DGKG: variants seen among roughly 807,000 people sequenced by gnomAD.
The protein encoded by DGKG is diacylglycerol kinase gamma.
In DGKG, 78 loss-of-function variants were observed where a neutral mutation model predicts 105.3. That is an observed-to-expected ratio of 0.74 (90% CI 0.62 to 0.89). DGKG has a LOEUF of 0.89. Among genes scored for constraint, DGKG ranks in the 40% least tolerant of loss-of-function variants. DGKG has a pLI of 0.00. For missense variants in DGKG, 958 were observed against 1,020.1 expected, an observed-to-expected ratio of 0.94 and a Z score of 0.83; for synonymous variants, 346 against 367.1, an observed-to-expected ratio of 0.94 and a Z score of 0.66.
chr3:186,297,064 T>TCACACACACACACACACA (rs1177958964), intron 5 of DGKG, among the ~76,000 whole-genome samples: 15 of 78,556 alleles, frequency 1.9e-4, no homozygotes, highest in African/African-American at 7.2e-4. Flanking sequence ...TCTGTCTGTC[T>TCACACACACACACACACA]CTCTCACACA....
intron 3 of DGKG, among the ~76,000 whole-genome samples, chr3:186,299,841 T>TTTCTTTCTCTC (rs1446531456): frequency 6.4e-4 from 48 of 74,652 alleles, no homozygotes; most frequent in African/African-American, 2.8e-3. Context: ...TTCTTTCTTT[T>TTTCTTTCTCTC]TTTTTTTTTT....
At chr3:186,261,672 T>A in intron 15 of DGKG, 27 bp downstream of exon 15, 3 of 1,542,912 alleles carry the variant, frequency 1.9e-6, no homozygotes, top group Non-Finnish European at 2.7e-6. Flanking sequence ...CCCTAGTTGC[T>A]CCACTTTGAA....
rs762381201 is a variant in DGKG at position 186,251,756 on chromosome 3, C to A, written c.1761+3G>T. 6.2e-7 allele frequency: 1 copy of A among 1,614,144 alleles called. No homozygotes were observed. The highest frequency in any genetic ancestry group is 8.5e-7 in the Non-Finnish European group (1 of 1,179,996). Reference sequence around the variant, plus strand: ...ACAGAAAGGTGATCTTTGACCAACTCACCACACCAATGGAGAAATAGTTGT... The same window carrying A: ...ACAGAAAGGTGATCTTTGACCAACTAACCACACCAATGGAGAAATAGTTGT... On this transcript the variant is annotated splice_donor_region_variant and intron_variant, in intron 19 of 24. Transcript: ENST00000265022.
At chr3:186,173,747 G>C (rs1387304754) in intron 22 of DGKG, among the ~76,000 whole-genome samples, 1 of 152,236 alleles carries the variant, frequency 6.6e-6, no homozygotes, top group Non-Finnish European at 1.5e-5. Context: ...CCTGAAAAAA[G>C]CCTAGGGGTG....
At chr3:186,238,775 G>A (rs552249013) in intron 20 of DGKG, among the ~76,000 whole-genome samples, 5 of 152,142 alleles carry the variant, frequency 3.3e-5, no homozygotes, top group East Asian at 3.9e-4. Flanking sequence ...CTGCCTCCTC[G>A]GTTCTGGTTC....
At chr3:186,298,746 T>C (rs766244606) in intron 3 of DGKG, among the ~76,000 whole-genome samples, 2 of 152,200 alleles carry the variant, frequency 1.3e-5, no homozygotes, top group Non-Finnish European at 2.9e-5. Context: ...CCATGACGGA[T>C]GTGATGCCTG....
chr3:186,320,606 C>T lies in DGKG; in HGVS notation c.-147G>A, dbSNP rs1725032274. On this transcript the variant is annotated 5_prime_UTR_variant, in exon 2 of 25. Transcript: ENST00000265022. Reference sequence around the variant, plus strand: ...TCTGGGAGCACTCAAGTGTATACAGCAGCAGCAGGCACCTCTCAGAAGATG... The same window carrying T: ...TCTGGGAGCACTCAAGTGTATACAGTAGCAGCAGGCACCTCTCAGAAGATG... 2.3e-6 allele frequency: 3 copies of T among 1,319,352 alleles called. No individual in the cohort carries two copies. The East Asian group carries it at 7.6e-5, about 33-fold the overall frequency. 81.7% of individuals were successfully genotyped at this position (1,319,352 alleles called of 1,614,324 possible).
Position 186,307,661 on chromosome 3 carries a change from C to T in DGKG, c.68-684G>A, listed in dbSNP as rs535996625. ...TGTTAACTGGCTGGTGAGTCTTTGT[C>T]TATCATACTAAGGTCTGACGTGTAA... On this transcript the variant is annotated intron_variant, in intron 2 of 24. Coordinates refer to ENST00000265022, the MANE Select transcript of DGKG (RefSeq NM_001346.3). 2.3e-3 allele frequency among the ~76,000 whole-genome samples: 351 copies of T among 152,338 alleles called. 1 individual carries two copies. Among genetic ancestry groups the T allele is most frequent in the Non-Finnish European group, 4.1e-3 (276 of 68,028 alleles).
Position 186,318,270 on chromosome 3 carries a change from C to T in DGKG, c.67+2123G>A, listed in dbSNP as rs115693741. Among the ~76,000 whole-genome samples, 1,406 of 152,256 alleles carry T rather than the reference C, an allele frequency of 9.2e-3. 29 individuals carry two copies. Among genetic ancestry groups the T allele is most frequent in the African/African-American group, 0.033 (1,356 of 41,532 alleles). ...GTCCTCCTCATTTTCTGTGCCTTCT[C>T]ACCATCCAGCCCAGAAGCTCTCCTT... On this transcript the variant is annotated intron_variant, in intron 2 of 24. Coordinates refer to ENST00000265022, the MANE Select transcript of DGKG (RefSeq NM_001346.3).
intron 20 of DGKG, among the ~76,000 whole-genome samples, chr3:186,227,854 A>G (rs1719928968): frequency 6.6e-6 from 1 of 152,240 alleles, no homozygotes; most frequent in Non-Finnish European, 1.5e-5. Flanking sequence ...ATCAGCCGTA[A>G]ATACAGATAC....
At chr3:186,150,372 G>T (rs982080724) in intron 24 of DGKG, among the ~76,000 whole-genome samples, 184 bp from the exon 25 acceptor site, 106 of 152,156 alleles carry the variant, frequency 7.0e-4, no homozygotes, top group Admixed American at 2.2e-3. Context: ...GTTTGGCACG[G>T]CTGGAAGTGA....
At chr3:186,342,857 A>G (rs1245820582) in intron 1 of DGKG, among the ~76,000 whole-genome samples, 1 of 152,188 alleles carries the variant, frequency 6.6e-6, no homozygotes. Flanking sequence ...CATTCCAATA[A>G]AAAGGGAAAA....
chr3:186,251,643 G>T, intron 19 of DGKG, 116 bp downstream of exon 19: 2 of 1,221,792 alleles, frequency 1.6e-6, no homozygotes, highest in Non-Finnish European at 2.3e-6. Flanking sequence ...CCAACTCAGG[G>T]CTGGGGGGGC....
intron 2 of DGKG, among the ~76,000 whole-genome samples, chr3:186,308,985 G>T (rs1020634570): frequency 1.2e-4 from 18 of 152,188 alleles, no homozygotes; most frequent in African/African-American, 4.3e-4. Flanking sequence ...AAGAGCCAGG[G>T]TTGTAACTCA....
At chr3:186,294,578 G>T (rs868213192) in intron 5 of DGKG, among the ~76,000 whole-genome samples, 4 of 151,872 alleles carry the variant, frequency 2.6e-5, no homozygotes, top group Non-Finnish European at 5.9e-5. Flanking sequence ...AATAATTTGG[G>T]GCAGGATGCT....
At chr3:186,229,887 T>C (rs1272394537) in intron 20 of DGKG, among the ~76,000 whole-genome samples, 2 of 152,168 alleles carry the variant, frequency 1.3e-5, no homozygotes, top group Admixed American at 6.5e-5. Context: ...GTTGGAGACA[T>C]AACAGTAGTT....
At chr3:186,182,131 A>G (rs982355657) in intron 22 of DGKG, among the ~76,000 whole-genome samples, 19 of 152,170 alleles carry the variant, frequency 1.2e-4, no homozygotes, top group African/African-American at 3.4e-4. Flanking sequence ...CTCAGGTGGA[A>G]CTCCACATGG....
intron 3 of DGKG, among the ~76,000 whole-genome samples, chr3:186,299,784 T>TCTTC (rs1723792159): frequency 1.4e-5 from 1 of 69,140 alleles, no homozygotes; most frequent in African/African-American, 6.1e-5. Flanking sequence ...TTTCTTTCTT[T>TCTTC]CTTTCTTTCT....
chr3:186,214,485 G>A (rs991207826), intron 20 of DGKG, among the ~76,000 whole-genome samples: 4 of 152,124 alleles, frequency 2.6e-5, no homozygotes, highest in Non-Finnish European at 5.9e-5. Context: ...TGACAGATAA[G>A]GATGTGTAGC....
Sources: gnomAD v4.1 joint callset for allele counts (sites outside exome capture counted in the v4.1 genomes callset) on GRCh38, gnomAD v4.1.1 for gene constraint, MANE v1.5 for transcripts, NCBI Gene and HGNC (gene_info 2026-07-23, HGNC 2026-07-21) for gene names.